The following NPIPB8 variants were observed in gnomAD, a reference collection of about 807,000 sequenced individuals.
The protein encoded by NPIPB8 is nuclear pore complex interacting protein family member B8, also known as nuclear pore complex-interacting protein family member B8.
Under a neutral mutation model 5.3 loss-of-function variants are expected in NPIPB8, and 3 were observed. The observed-to-expected ratio is 0.57, with a 90% CI of 0.26 to 1.47. NPIPB8 has a LOEUF of 1.47. Among genes scored for constraint, NPIPB8 ranks in the 40% most tolerant of loss-of-function variants. The pLI is 0.13. For synonymous variants in NPIPB8, 18 were observed against 23.0 expected, an observed-to-expected ratio of 0.78 and a Z score of 0.62; for missense variants, 50 against 50.2, an observed-to-expected ratio of 1.00 and a Z score of 0.01.
In NPIPB8 at chr16:28,645,254, C is replaced by T. The variant is rs1039188392; in HGVS notation, c.121-2881C>T. ...CCATGTTCGCCAGGATAGTCTCCAT[C>T]TCTTGACCTCGTGATCCGCCTGCCT... On this transcript the variant is annotated intron_variant, in intron 2 of 7. Coordinates refer to ENST00000683297, the MANE Select transcript of NPIPB8 (RefSeq NM_001310136.2). Among the ~76,000 whole-genome samples, 7 of 110,370 alleles carry T rather than the reference C, an allele frequency of 6.3e-5. 1 individual carries two copies. Among genetic ancestry groups the T allele is most frequent in the South Asian group, 2.8e-4 (1 of 3,588 alleles). The allele number at this position is 110,370 out of a possible 152,430, so 72.4% of individuals were successfully genotyped here. A position where few individuals can be genotyped will look rare whatever the true frequency, so the allele number is the denominator to read the frequency against.
chr16:28,640,751 G>A (rs960032723), intron 2 of NPIPB8, among the ~76,000 whole-genome samples: 21 of 152,074 alleles, frequency 1.4e-4, no homozygotes, highest in East Asian at 3.8e-4. Context: ...ATGATTAAAC[G>A]GAGTAGACTT....
chr16:28,641,918 G>A (rs1025044314), intron 2 of NPIPB8, among the ~76,000 whole-genome samples: 1 of 135,912 alleles, frequency 7.4e-6, no homozygotes, highest in Non-Finnish European at 1.6e-5. Context: ...AACCTCCATT[G>A]TTCGAGACCC....
At chr16:28,642,622 C>A (rs1197107817) in intron 2 of NPIPB8, among the ~76,000 whole-genome samples, 1 of 150,842 alleles carries the variant, frequency 6.6e-6, no homozygotes, top group Non-Finnish European at 1.5e-5. Flanking sequence ...GTAGGTGGGA[C>A]TACAGGTGCC....
chr16:28,643,062 C>A (rs1026147094), intron 2 of NPIPB8, among the ~76,000 whole-genome samples: 1 of 151,826 alleles, frequency 6.6e-6, no homozygotes, highest in African/African-American at 2.4e-5. Context: ...GGTCACCAGA[C>A]CCCTGGGTCC....
rs572735050 is a variant in NPIPB8 at position 28,639,962 on chromosome 16, C to T, written c.120+1482C>T. Among the ~76,000 whole-genome samples the T allele has an allele frequency of 1.1e-4, 16 of 151,208 alleles. No homozygotes were observed. In the South Asian group the frequency reaches 3.1e-3, roughly 30 times the overall value. ...CTACATGGCTAACATTGTGTACTCA[C>T]TGTGTGTGCCAGGCCCTGGGTTCAA... On this transcript the variant is annotated intron_variant, in intron 2 of 7. Coordinates refer to ENST00000683297, the MANE Select transcript of NPIPB8 (RefSeq NM_001310136.2).
chr16:28,644,594 G>A (rs773008053), intron 2 of NPIPB8: 7 of 1,497,248 alleles, frequency 4.7e-6, no homozygotes, highest in African/African-American at 3.2e-5. Context: ...CAGGACATGC[G>A]GCTGCGCTTT....
intron 5 of NPIPB8, among the ~76,000 whole-genome samples, chr16:28,653,109 G>C (rs1457016009): frequency 1.6e-4 from 17 of 106,350 alleles, no homozygotes; most frequent in Non-Finnish European, 3.0e-4. Flanking sequence ...GTCTCACTCT[G>C]TCACCCAGGC....
intron 2 of NPIPB8, among the ~76,000 whole-genome samples, chr16:28,642,344 T>A (rs2047914666): frequency 6.6e-6 from 1 of 152,130 alleles, no homozygotes; most frequent in Non-Finnish European, 1.5e-5. Flanking sequence ...AACCTTGTGA[T>A]CCACCTACCT....
In NPIPB8 at chr16:28,638,352, A is replaced by G. The variant is rs780749138; in HGVS notation, c.-9A>G. On this transcript the variant is annotated 5_prime_UTR_variant, in exon 2 of 8. Coordinates refer to ENST00000683297, the MANE Select transcript of NPIPB8 (RefSeq NM_001310136.2). ...GCACTCATCATGAGCCCCTGTTCTC[A>G]TTCTGCAAATGGTGAAGCTCTCTAT... 6.4e-7 allele frequency: 1 copy of G among 1,566,974 alleles called. No individual in the cohort carries two copies. Among genetic ancestry groups the G allele is most frequent in the Non-Finnish European group, 8.6e-7 (1 of 1,163,874 alleles).
intron 2 of NPIPB8, among the ~76,000 whole-genome samples, chr16:28,645,338 C>T (rs2047985042): frequency 1.3e-5 from 1 of 79,688 alleles, no homozygotes; most frequent in Non-Finnish European, 2.7e-5. Context: ...AAATATATAA[C>T]CTTAAGTGTA....
chr16:28,641,646 C>T (rs866958152), intron 2 of NPIPB8, among the ~76,000 whole-genome samples: 2,399 of 133,608 alleles, frequency 0.018, 77 homozygotes, highest in African/African-American at 0.062. Flanking sequence ...AGCTCTGGAA[C>T]GAAAGATGCC....
chr16:28,637,973 G>A (rs935172563), upstream of NPIPB8: 2 of 817,864 alleles, frequency 2.4e-6, no homozygotes, highest in African/African-American at 3.7e-5. Context: ...CTTTTTTGTA[G>A]GTTTCAGGCA....
intron 5 of NPIPB8, among the ~76,000 whole-genome samples, chr16:28,652,807 G>A (rs1365708334): frequency 7.3e-6 from 1 of 136,504 alleles, no homozygotes; most frequent in African/African-American, 2.9e-5. Context: ...TCACCATGTT[G>A]TCCAGGCTGG....
intron 2 of NPIPB8, among the ~76,000 whole-genome samples, chr16:28,641,720 C>T (rs370592736): frequency 1.9e-4 from 25 of 128,784 alleles, no homozygotes; most frequent in East Asian, 8.3e-4. Context: ...TATCCTCAGA[C>T]GGTCTTTGCA....
At position 28,638,330 on chromosome 16, in the gene NPIPB8, C is replaced by A. The variant is rs35626515; in HGVS notation, c.-31C>A. ...TTCTTAATTGTCTAATAGGTTGGCA[C>A]TCATCATGAGCCCCTGTTCTCATTC... On this transcript the variant is annotated 5_prime_UTR_variant, in exon 2 of 8. Coordinates refer to ENST00000683297, the MANE Select transcript of NPIPB8 (RefSeq NM_001310136.2). 0.4 allele frequency: 625,102 copies of A among 1,558,502 alleles called. 130,881 individuals carry two copies. Among genetic ancestry groups the A allele is most frequent in the African/African-American group, 0.58 (41,926 of 72,394 alleles).
chr16:28,638,244 G>A lies in NPIPB8; in HGVS notation c.-38-79G>A, dbSNP rs2047826209. On this transcript the variant is annotated intron_variant, in intron 1 of 7. Transcript: ENST00000683297. ...TTCTGTCCTTTTCTGAAGCCCCTAT[G>A]CTCTTGACCACTATAGACTCAAACA... The A allele has an allele frequency of 2.0e-6, 3 of 1,506,570 alleles. No individual in the cohort carries two copies. In the Admixed American group the frequency reaches 6.1e-5, roughly 31 times the overall value. 93.3% of individuals were successfully genotyped at this position (1,506,570 alleles called of 1,614,324 possible).
chr16:28,641,839 C>T (rs1200697566), intron 2 of NPIPB8, among the ~76,000 whole-genome samples: 1 of 132,632 alleles, frequency 7.5e-6, no homozygotes, highest in Non-Finnish European at 1.6e-5. Context: ...CTGGCCATGC[C>T]TCCATGAGGG....
At chr16:28,639,390 T>C (rs889328675) in intron 2 of NPIPB8, among the ~76,000 whole-genome samples, 14 of 140,548 alleles carry the variant, frequency 1.0e-4, no homozygotes, top group South Asian at 2.2e-4. Flanking sequence ...TTTTGAGATT[T>C]ATATAGATAC....
intron 2 of NPIPB8, 140 bp downstream of exon 2, chr16:28,638,620 C>T: frequency 2.2e-6 from 3 of 1,367,256 alleles, no homozygotes; most frequent in South Asian, 2.7e-5. Context: ...TCTTTCCATA[C>T]AAGTGGCTTA....
Sources: gnomAD v4.1 joint callset for allele counts (sites outside exome capture counted in the v4.1 genomes callset) on GRCh38, gnomAD v4.1.1 for gene constraint, MANE v1.5 for transcripts, NCBI Gene and HGNC (gene_info 2026-07-23, HGNC 2026-07-21) for gene names.